The following SDK1 variants were observed in gnomAD, a reference collection of about 807,000 sequenced individuals.
The protein encoded by SDK1 is sidekick cell adhesion molecule 1.
A neutral mutation model predicts 245.5 loss-of-function variants in SDK1; 157 were observed. The observed-to-expected ratio is 0.64, with a 90% CI of 0.56 to 0.73. The LOEUF (loss-of-function observed/expected upper bound fraction) is 0.73, where lower values mean the gene tolerates loss of function less well. Ranked by LOEUF, SDK1 falls within the 30% of genes least tolerant of loss-of-function variation. The pLI, the probability that SDK1 is intolerant of heterozygous loss-of-function variation, is 0.00. For missense variants in SDK1, 3,583 were observed against 3,002.3 expected, an observed-to-expected ratio of 1.19 and a Z score of -4.52; for synonymous variants, 1,647 against 1,278.5, an observed-to-expected ratio of 1.29 and a Z score of -6.15.
intron 17 of SDK1, among the ~76,000 whole-genome samples, chr7:4,022,752 C>T (rs1051590498): frequency 5.9e-5 from 9 of 151,390 alleles, no homozygotes; most frequent in Admixed American, 2.6e-4. Flanking sequence ...CCACACTCCT[C>T]GTTTTTCTTT....
Position 4,231,335 on chromosome 7 carries a change from A to G in SDK1, c.5828-1920A>G, listed in dbSNP as rs10237853. ...TTCCAGCACTTTGAGAGGCCAAGGCAGGCAGATGGCTTGAGCTCGGCAGTT... is the reference window on the plus strand; with the variant it reads ...TTCCAGCACTTTGAGAGGCCAAGGCGGGCAGATGGCTTGAGCTCGGCAGTT... On this transcript the variant is annotated intron_variant, in intron 40 of 44. Transcript: ENST00000404826. 7.7e-3 allele frequency among the ~76,000 whole-genome samples: 1,165 copies of G among 152,070 alleles called. 10 individuals carry two copies. Among genetic ancestry groups the G allele is most frequent in the African/African-American group, 0.027 (1,101 of 41,464 alleles).
intron 1 of SDK1, among the ~76,000 whole-genome samples, chr7:3,410,587 T>C (rs1480107967): frequency 2.8e-5 from 4 of 143,510 alleles, no homozygotes; most frequent in Non-Finnish European, 6.1e-5. Context: ...TCTTTTTTTT[T>C]TTTTTTTTTT....
chr7:3,396,591 C>T (rs187006771), intron 1 of SDK1, among the ~76,000 whole-genome samples: 1 of 151,606 alleles, frequency 6.6e-6, no homozygotes, highest in African/African-American at 2.4e-5. Flanking sequence ...TGCTGAATTA[C>T]CCTCTTATTA....
chr7:3,350,943 A>G (rs73048661), intron 1 of SDK1, among the ~76,000 whole-genome samples: 3 of 152,184 alleles, frequency 2.0e-5, no homozygotes, highest in Admixed American at 6.5e-5. Context: ...AAGGAGAATT[A>G]TGGTAGGGTA....
At chr7:3,304,081 G>A (rs1350896078) in intron 1 of SDK1, among the ~76,000 whole-genome samples, 1 of 152,216 alleles carries the variant, frequency 6.6e-6, no homozygotes, top group African/African-American at 2.4e-5. Flanking sequence ...ATCAGTAAAA[G>A]TTACATTTTT....
intron 1 of SDK1, among the ~76,000 whole-genome samples, chr7:3,503,679 T>TA (rs1043267348): frequency 2.1e-4 from 32 of 150,890 alleles, no homozygotes; most frequent in Admixed American, 1.6e-3. Context: ...CTTCATATCT[T>TA]AAAAAAACAA....
rs554626442 is a variant in SDK1 at position 3,894,573 on chromosome 7, G to A, written c.848-56350G>A. ...TCAGTTTGCAGCCCAGAGATGCTCC[G>A]GGGTCTCGCCCAGTGCATATTCCTG... On this transcript the variant is annotated intron_variant, in intron 5 of 44. Transcript: ENST00000404826. Among the ~76,000 whole-genome samples, 9 of 152,250 alleles carry A rather than the reference G, an allele frequency of 5.9e-5. No individual in the cohort carries two copies. The South Asian group carries it at 1.2e-3, about 21-fold the overall frequency.
At chr7:3,789,304 C>T (rs1372838262) in intron 4 of SDK1, among the ~76,000 whole-genome samples, 10 of 152,126 alleles carry the variant, frequency 6.6e-5, no homozygotes, top group East Asian at 3.9e-4. Context: ...TGCGCCACCA[C>T]GCCCGGCTAA....
rs10250811 is a variant in SDK1, at chr7:4,109,538, A to G, written c.3325-1125A>G. Among the ~76,000 whole-genome samples, 60 of 152,176 alleles carry G rather than the reference A, an allele frequency of 3.9e-4. 1 individual carries two copies. Among genetic ancestry groups the G allele is most frequent in the African/African-American group, 1.3e-3 (54 of 41,438 alleles). ...ACTCCAGCAGCCAGTTTGTCCTGAC[A>G]TGCTCTCCATGCTTGCAGCCGGCCT... is the stretch of plus-strand genomic sequence containing the variant. On this transcript the variant is annotated intron_variant, in intron 22 of 44. Transcript: ENST00000404826.
intron 3 of SDK1, among the ~76,000 whole-genome samples, chr7:3,641,666 C>G (rs1397584778): frequency 1.3e-5 from 2 of 152,238 alleles, no homozygotes; most frequent in Non-Finnish European, 2.9e-5. Flanking sequence ...CATTTCATTT[C>G]AGTGTCACAG....
intron 30 of SDK1, among the ~76,000 whole-genome samples, chr7:4,155,984 A>G (rs2128210297): frequency 6.6e-6 from 1 of 152,304 alleles, no homozygotes; most frequent in Admixed American, 6.5e-5. Flanking sequence ...GATCCATAGG[A>G]ACAGCTGATC....
intron 16 of SDK1, 48 bp from the exon 17 acceptor site, chr7:4,017,123 C>T (rs1786468140): frequency 6.5e-7 from 1 of 1,541,442 alleles, no homozygotes; most frequent in African/African-American, 1.4e-5. Context: ...AACACCGTTC[C>T]TGGGTCCAGT....
intron 1 of SDK1, among the ~76,000 whole-genome samples, chr7:3,543,996 C>CT (rs1562552357): frequency 6.6e-6 from 1 of 152,210 alleles, no homozygotes; most frequent in Non-Finnish European, 1.5e-5. Context: ...ATCTCTACTA[C>CT]TGCTCAACTG....
chr7:3,363,497 T>C (rs1346711132), intron 1 of SDK1, among the ~76,000 whole-genome samples: 1 of 152,182 alleles, frequency 6.6e-6, no homozygotes, highest in East Asian at 1.9e-4. Flanking sequence ...GTTGTTGGCT[T>C]GTATGTTAAT....
chr7:3,340,636 G>A (rs1470388214), intron 1 of SDK1, among the ~76,000 whole-genome samples: 4 of 151,786 alleles, frequency 2.6e-5, no homozygotes, highest in Non-Finnish European at 5.9e-5. Flanking sequence ...GGTGGCAGGC[G>A]CCTGTAGTCC....
At chr7:4,229,329 G>A (rs1413321895) in intron 40 of SDK1, among the ~76,000 whole-genome samples, 3 of 152,112 alleles carry the variant, frequency 2.0e-5, no homozygotes, top group Non-Finnish European at 4.4e-5. Flanking sequence ...TTTGGGAAAG[G>A]CAGAAGTAAG....
chr7:3,362,816 C>T (rs939059570), intron 1 of SDK1, among the ~76,000 whole-genome samples: 2 of 152,046 alleles, frequency 1.3e-5, no homozygotes, highest in South Asian at 2.1e-4. Context: ...GTTTTCCATG[C>T]GTGTGTGATT....
In SDK1 at chr7:4,097,351, A is replaced by G. The variant is rs1782220135; in HGVS notation, c.3325-13312A>G. Among the ~76,000 whole-genome samples, 2 of 151,570 alleles carry G rather than the reference A, an allele frequency of 1.3e-5. 1 individual carries two copies. The highest frequency in any genetic ancestry group is 4.2e-4 in the South Asian group (2 of 4,794). ...ATGTGGTTACCATCTTTGTCCTCCC[A>G]GGAACACAAGCTCAGTGAGAGCAGG... On this transcript the variant is annotated intron_variant, in intron 22 of 44. Transcript: ENST00000404826.
rs748448203 is a variant in SDK1, at chr7:4,017,178, C to T, written c.2428C>T (p.Leu810=). The T allele has an allele frequency of 6.2e-7, 1 of 1,610,498 alleles. No homozygotes were observed. Among genetic ancestry groups the T allele is most frequent in the African/African-American group, 1.3e-5 (1 of 74,824 alleles). The change falls in exon 17 of 45, where the codon CTG becomes TTG. Residue 810 remains leucine, a synonymous_variant. Transcript: ENST00000404826. The stretch of plus-strand genomic sequence containing the variant: ...GCTTCCTTCGTGGCGCAGGTACCGC[C>T]TGGCTGGCCTTCCCGGAGAGTACCA... ...VLRGYILRYR[L]AGLPGEYQQR...
Sources: gnomAD v4.1 joint callset for allele counts (sites outside exome capture counted in the v4.1 genomes callset) on GRCh38, gnomAD v4.1.1 for gene constraint, MANE v1.5 for transcripts, NCBI Gene and HGNC (gene_info 2026-07-23, HGNC 2026-07-21) for gene names.